UGGT1: variants seen among roughly 807,000 people sequenced by gnomAD.
UGGT1 encodes UDP-glucose glycoprotein glucosyltransferase 1.
A neutral mutation model predicts 203.9 loss-of-function variants in UGGT1; 107 were observed. That is an observed-to-expected ratio of 0.52 (90% CI 0.45 to 0.62). UGGT1 has a LOEUF of 0.62. Among genes scored for constraint, UGGT1 ranks in the 20% least tolerant of loss-of-function variants. UGGT1 has a pLI of 0.00. For synonymous variants in UGGT1, 628 were observed against 653.5 expected, an observed-to-expected ratio of 0.96 and a Z score of 0.59; for missense variants, 1,673 against 1,867.2, an observed-to-expected ratio of 0.90 and a Z score of 1.92.
intron 20 of UGGT1, 92 bp from the exon 21 acceptor site, chr2:128,156,300 T>C: frequency 1.0e-6 from 1 of 953,480 alleles, no homozygotes; most frequent in South Asian, 1.3e-5. Context: ...ATAGACCGTG[T>C]TAGCCATTGT....
At position 128,171,138 on chromosome 2, in the gene UGGT1, C is replaced by T; in HGVS notation, c.3025-67C>T. On this transcript the variant is annotated intron_variant, in intron 27 of 40. Transcript: ENST00000259253. ...ATCTTTTCTTGAGATATTAATAGCTCAGTGTCAAATAATAAATTTCTGAAG... is the reference window on the plus strand; with the variant it reads ...ATCTTTTCTTGAGATATTAATAGCTTAGTGTCAAATAATAAATTTCTGAAG... 2.9e-6 allele frequency: 4 copies of T among 1,385,094 alleles called. No homozygotes were observed. In the South Asian group the frequency reaches 3.8e-5, roughly 13 times the overall value. The allele number at this position is 1,385,094 out of a possible 1,614,324, so 85.8% of individuals were successfully genotyped here. A position where few individuals can be genotyped will look rare whatever the true frequency, so the allele number is the denominator to read the frequency against.
rs909239751 is a variant in UGGT1 at position 128,194,178 on chromosome 2, T to C, written c.*4436T>C. ...TGTGACCTTGGCTCACTGCAACCTC[T>C]GCCTCCTGGGTTCAGGTGATTCTCC... On this transcript the variant is annotated 3_prime_UTR_variant, in exon 41 of 41. Coordinates refer to ENST00000259253, the MANE Select transcript of UGGT1 (RefSeq NM_020120.4). 1.3e-5 allele frequency: 2 copies of C among 152,240 alleles called. No individual in the cohort carries two copies. Among genetic ancestry groups the C allele is most frequent in the Non-Finnish European group, 2.9e-5 (2 of 68,134 alleles). 9.4% of individuals were successfully genotyped at this position (152,240 alleles called of 1,614,324 possible). A position where few individuals can be genotyped will look rare whatever the true frequency, so the allele number is the denominator to read the frequency against.
At chr2:128,131,677 A>T (rs1287206878) in intron 13 of UGGT1, among the ~76,000 whole-genome samples, 1 of 151,976 alleles carries the variant, frequency 6.6e-6, no homozygotes, top group Non-Finnish European at 1.5e-5. Flanking sequence ...TGCCAGGCTG[A>T]AGTGCAGTGG....
chr2:128,181,277 A>G (rs1691676371), intron 36 of UGGT1, among the ~76,000 whole-genome samples: 1 of 152,222 alleles, frequency 6.6e-6, no homozygotes, highest in African/African-American at 2.4e-5. Flanking sequence ...TCTTTTTAAC[A>G]TCATTGTGAT....
At chr2:128,161,880 CTA>C (rs1198159449) in intron 25 of UGGT1, among the ~76,000 whole-genome samples, 1 of 152,176 alleles carries the variant, frequency 6.6e-6, no homozygotes, top group African/African-American at 2.4e-5. Context: ...TATCAAATGA[CTA>C]TGTAGTTGGA....
chr2:128,161,268 T>G lies in UGGT1; in HGVS notation c.2825T>G (p.Val942Gly). The part of the protein sequence containing the change: ...HIQQLRVEED[V>G]ASDLVMKVDA... ...CAACAGCTTCGGGTAGAAGAAGATGTGTAAGTTTTGCCATAGGAGGAATTA... is the reference window on the plus strand; with the variant it reads ...CAACAGCTTCGGGTAGAAGAAGATGGGTAAGTTTTGCCATAGGAGGAATTA... Residue 942 changes from valine to glycine, a missense_variant and splice_region_variant, in exon 25 of 41, where the codon GTG (valine) becomes GGG (glycine). By Grantham distance (109) the Val-to-Gly change is moderately radical. Coordinates refer to ENST00000259253, the MANE Select transcript of UGGT1 (RefSeq NM_020120.4). The G allele has an allele frequency of 6.2e-7, 1 of 1,613,242 alleles. No individual in the cohort carries two copies. Among genetic ancestry groups the G allele is most frequent in the East Asian group, 2.2e-5 (1 of 44,844 alleles).
intron 18 of UGGT1, among the ~76,000 whole-genome samples, chr2:128,150,159 A>T (rs973702872): frequency 1.3e-5 from 2 of 152,180 alleles, no homozygotes. Context: ...GTTATCAGCC[A>T]GTTGTGGTGG....
At chr2:128,171,090 G>T in intron 27 of UGGT1, 115 bp from the exon 28 acceptor site, 1 of 946,426 alleles carries the variant, frequency 1.1e-6, no homozygotes, top group South Asian at 1.7e-5. Flanking sequence ...CGCCAGTGCA[G>T]ACTCTGTGGC....
rs763540140 is a variant in UGGT1 at position 128,186,804 on chromosome 2, G to A, written c.4476+5G>A. On this transcript the variant is annotated splice_donor_5th_base_variant and intron_variant, in intron 39 of 40. Coordinates refer to ENST00000259253, the MANE Select transcript of UGGT1 (RefSeq NM_020120.4). ...AGGGCAAAAACCATTGATTTGGTAA[G>A]CCGTATGTGGTGTGCTTCTGCATGT... 1.2e-6 allele frequency: 2 copies of A among 1,606,882 alleles called. No individual in the cohort carries two copies. The highest frequency in any genetic ancestry group is 1.7e-6 in the Non-Finnish European group (2 of 1,174,850).
chr2:128,138,827 A>G lies in UGGT1; in HGVS notation c.1694A>G (p.Tyr565Cys), dbSNP rs1443241747. 2 of 1,614,180 alleles carry G rather than the reference A, an allele frequency of 1.2e-6. No homozygotes were observed. Among genetic ancestry groups the G allele is most frequent in the South Asian group, 1.1e-5 (1 of 91,066 alleles). The part of the protein sequence containing the change: ...YNYVAQEVDD[Y>C]HAFQTLTHIY... ...TATGTTGCCCAAGAAGTGGATGATT[A>G]TCATGCCTTCCAGACTCTGACACAT... The change falls in exon 16 of 41, where the codon TAT becomes TGT. Residue 565 changes from tyrosine (Y) to cysteine (C), a missense_variant. Physicochemically the swap from Tyr to Cys is radical, Grantham distance 194. Around this residue, in one of 4 missense-constraint regions of UGGT1, gnomAD observed 1,073 missense variants for 1,078.7 expected, o/e 0.99. Coordinates refer to ENST00000259253, the MANE Select transcript of UGGT1 (RefSeq NM_020120.4).
At chr2:128,159,385 C>T in intron 22 of UGGT1, 129 bp from the exon 23 acceptor site, 1 of 846,530 alleles carries the variant, frequency 1.2e-6, no homozygotes, top group Non-Finnish European at 1.8e-6. Flanking sequence ...AGGCATGAGC[C>T]ACTGCGCCCG....
chr2:128,134,873 C>T lies in UGGT1; in HGVS notation c.1498-3C>T. ...CATGTGTTCTTTTCCCTTTCTTCAA[C>T]AGGTTTTCATAGTTGATCCTGCACA... On this transcript the variant is annotated splice_region_variant and splice_polypyrimidine_tract_variant and intron_variant, in intron 14 of 40. Coordinates refer to ENST00000259253, the MANE Select transcript of UGGT1 (RefSeq NM_020120.4). 1 of 1,613,038 alleles carries T rather than the reference C, an allele frequency of 6.2e-7. No individual in the cohort carries two copies. The highest frequency in any genetic ancestry group is 2.2e-5 in the East Asian group (1 of 44,850).
At chr2:128,145,717 A>G in intron 17 of UGGT1, 86 bp from the exon 18 acceptor site, 1 of 1,200,804 alleles carries the variant, frequency 8.3e-7, no homozygotes. Flanking sequence ...TTGTTGTTAG[A>G]ACAGGCATGT....
Position 128,091,365 on chromosome 2 carries a change from G to T in UGGT1, c.8G>T (p.Cys3Phe). 1.3e-6 allele frequency: 2 copies of T among 1,568,622 alleles called. No homozygotes were observed. Among genetic ancestry groups the T allele is most frequent in the East Asian group, 2.4e-5 (1 of 42,366 alleles). ...ACTGACCACGGCCCGGGCATGGGCT[G>T]CAAGGGAGACGCGAGCGGTGCGTGT... MG[C>F]KGDASGACAA... Residue 3 changes from cysteine (C) to phenylalanine (F), a missense_variant, in exon 1 of 41, where the codon TGC (cysteine) becomes TTC (phenylalanine). Transcript: ENST00000259253.
chr2:128,171,135 G>A (rs1691077052), intron 27 of UGGT1, 70 bp from the exon 28 acceptor site: 1 of 1,363,474 alleles, frequency 7.3e-7, no homozygotes, highest in African/African-American at 1.5e-5. Context: ...GATATTAATA[G>A]CTCAGTGTCA....
intron 2 of UGGT1, among the ~76,000 whole-genome samples, chr2:128,101,358 T>G (rs1434715607): frequency 2.0e-5 from 3 of 152,232 alleles, no homozygotes; most frequent in African/African-American, 7.2e-5. Flanking sequence ...CCTTAGGGAC[T>G]AAAAATATTC....
rs774886371 is a variant in UGGT1, at chr2:128,138,852, T to A, written c.1719T>A (p.His573Gln). ...DDYHAFQTLT[H>Q]IYNKVRTGEK... ...ATCATGCCTTCCAGACTCTGACACA[T>A]GTACGTTTTTGTTCAGAATGGCAAA... is the stretch of plus-strand genomic sequence containing the variant. Residue 573 changes from histidine (H) to glutamine (Q), a missense_variant and splice_region_variant, in exon 16 of 41, where the codon CAT (histidine) becomes CAA (glutamine). Coordinates refer to ENST00000259253, the MANE Select transcript of UGGT1 (RefSeq NM_020120.4). 3.1e-6 allele frequency: 5 copies of A among 1,611,624 alleles called. No individual in the cohort carries two copies. In the East Asian group the frequency reaches 1.1e-4, roughly 36 times the overall value.
In UGGT1 at chr2:128,191,726, T is replaced by A. The variant is rs1692275327; in HGVS notation, c.*1984T>A. 1 of 152,282 alleles carries A rather than the reference T, an allele frequency of 6.6e-6. No individual in the cohort carries two copies. The highest frequency in any genetic ancestry group is 2.1e-4 in the South Asian group (1 of 4,822). The allele number at this position is 152,282 out of a possible 1,614,324, so 9.4% of individuals were successfully genotyped here. A position where few individuals can be genotyped will look rare whatever the true frequency, so the allele number is the denominator to read the frequency against. On this transcript the variant is annotated 3_prime_UTR_variant, in exon 41 of 41. Transcript: ENST00000259253. ...ACAAAAATTAGCCGGGTGTTGTGGCTCACCCTCTATTCCCAGCTACTCGGG... is the reference window on the plus strand; with the variant it reads ...ACAAAAATTAGCCGGGTGTTGTGGCACACCCTCTATTCCCAGCTACTCGGG...
At chr2:128,164,277 A>G (rs1028922155) in intron 25 of UGGT1, among the ~76,000 whole-genome samples, 7 of 152,242 alleles carry the variant, frequency 4.6e-5, no homozygotes, top group African/African-American at 1.4e-4. Context: ...ATTTGTTTAT[A>G]TGTATTTAAA....
Sources: allele counts gnomAD v4.1 joint callset (sites outside exome capture counted in the v4.1 genomes callset), GRCh38; gene constraint gnomAD v4.1.1; regional missense constraint gnomAD v4.1.1; transcripts MANE v1.5; gene names NCBI Gene and HGNC (gene_info 2026-07-23, HGNC 2026-07-21).